The following ZNF83 variants were observed in gnomAD, a reference collection of about 807,000 sequenced individuals.
ZNF83 encodes zinc finger protein 83.
For missense variants in ZNF83, 552 were observed against 629.9 expected, an observed-to-expected ratio of 0.88 and a Z score of 1.32; for synonymous variants, 209 against 213.0, an observed-to-expected ratio of 0.98 and a Z score of 0.17.
intron 1 of ZNF83, among the ~76,000 whole-genome samples, chr19:52,687,995 C>A (rs1288767738): frequency 3.3e-5 from 5 of 151,996 alleles, no homozygotes; most frequent in African/African-American, 1.2e-4. Context: ...AAGCTAACCT[C>A]TGATGCCAAG....
At chr19:52,678,127 T>C (rs112595845) in intron 1 of ZNF83, among the ~76,000 whole-genome samples, 147 of 151,836 alleles carry the variant, frequency 9.7e-4, no homozygotes, top group African/African-American at 3.4e-3. Flanking sequence ...AGAAAAACAA[T>C]AATGCGCTAA....
chr19:52,652,392 G>A lies in ZNF83; in HGVS notation c.-74+3169C>T, dbSNP rs190186538. The A allele has an allele frequency of 3.9e-5, 13 of 333,920 alleles. No individual in the cohort carries two copies. In the East Asian group the frequency reaches 6.0e-4, roughly 16 times the overall value. The allele number at this position is 333,920 out of a possible 1,614,324, so 20.7% of individuals were successfully genotyped here. On this transcript the variant is annotated intron_variant, in intron 3 of 5. Transcript: ENST00000594682. ...GGAGGTTGCCGTGAGCCGAGATCAC[G>A]CCACTGCACCCCAGCCTGGACAAAA...
At chr19:52,683,802 C>G (rs114673579) in intron 1 of ZNF83, among the ~76,000 whole-genome samples, 1 of 152,122 alleles carries the variant, frequency 6.6e-6, no homozygotes. Context: ...ACATTTGCCC[C>G]AGCCCCTCAG....
Position 52,680,555 on chromosome 19 carries a change from T to G in ZNF83, c.-283+9888A>C, listed in dbSNP as rs190839868. 3.0e-3 allele frequency among the ~76,000 whole-genome samples: 459 copies of G among 152,160 alleles called. 3 individuals are homozygous for G. Among genetic ancestry groups the G allele is most frequent in the African/African-American group, 0.011 (436 of 41,508 alleles). ...TCTGACAAACCCACGTTAAGGTATT[T>G]TGGCACATTTTTTCTCCACAGTTGT... is the stretch of plus-strand genomic sequence containing the variant. On this transcript the variant is annotated intron_variant, in intron 1 of 5. Coordinates refer to the ZNF83 transcript ENST00000594682.
At chr19:52,645,367 T>C (rs1426171825) in intron 3 of ZNF83, among the ~76,000 whole-genome samples, 1 of 152,088 alleles carries the variant, frequency 6.6e-6, no homozygotes, top group African/African-American at 2.4e-5. Context: ...TGAAATTGTT[T>C]TAAAAAATAT....
intron 3 of ZNF83, among the ~76,000 whole-genome samples, chr19:52,649,964 A>C (rs752453563): frequency 7.2e-5 from 11 of 152,158 alleles, no homozygotes; most frequent in Non-Finnish European, 1.6e-4. Flanking sequence ...GCCTCACAAA[A>C]GATATGAGAC....
intron 2 of ZNF83, among the ~76,000 whole-genome samples, chr19:52,633,589 CTTTGCT>C (rs2147179781): frequency 1.3e-5 from 2 of 152,304 alleles, no homozygotes; most frequent in South Asian, 4.1e-4. Context: ...TAAGATGCAG[CTTTGCT>C]TAGAGTTTTA....
At chr19:52,613,257 CT>C (rs750310351) in exon 3 of ZNF83, 110 of 1,613,710 alleles carry the variant, frequency 6.8e-5, no homozygotes, top group Non-Finnish European at 6.7e-5. Flanking sequence ...GACCGAAGAC[CT>C]TCCCACATTC....
intron 1 of ZNF83, among the ~76,000 whole-genome samples, chr19:52,689,932 GGA>G (rs1370786035): frequency 6.6e-6 from 1 of 152,218 alleles, no homozygotes; most frequent in Non-Finnish European, 1.5e-5. Flanking sequence ...TGACTGCGGA[GGA>G]GAGACCTGGG....
chr19:52,665,835 C>T (rs1013610949), intron 1 of ZNF83, among the ~76,000 whole-genome samples: 4 of 152,084 alleles, frequency 2.6e-5, no homozygotes, highest in African/African-American at 7.2e-5. Flanking sequence ...CTCACCATTG[C>T]TCCATCTATG....
chr19:52,635,092 T>C (rs756969712), exon 2 of ZNF83: 5 of 714,474 alleles, frequency 7.0e-6, no homozygotes, highest in Non-Finnish European at 1.3e-5. Flanking sequence ...CCTGACGCCT[T>C]TGCTTTCCTC....
chr19:52,629,506 AC>A (rs1475263278), intron 2 of ZNF83, among the ~76,000 whole-genome samples: 1 of 151,648 alleles, frequency 6.6e-6, no homozygotes, highest in East Asian at 1.9e-4. Context: ...CCGCTCCTCC[AC>A]CCTGTAATCT....
intron 3 of ZNF83, among the ~76,000 whole-genome samples, chr19:52,648,451 GAA>G (rs201038009): frequency 6.1e-5 from 9 of 148,530 alleles, no homozygotes; most frequent in South Asian, 4.3e-4. Context: ...CAAAGTGAAG[GAA>G]AAAAAAAAGA....
In ZNF83 at chr19:52,654,645, A is replaced by G. The variant is rs528207076; in HGVS notation, c.-74+916T>C. 2.0e-5 allele frequency among the ~76,000 whole-genome samples: 3 copies of G among 152,260 alleles called. No homozygotes were observed. The South Asian group carries it at 6.2e-4, about 32-fold the overall frequency. On this transcript the variant is annotated intron_variant, in intron 3 of 5. Coordinates refer to the ZNF83 transcript ENST00000594682. Reference sequence around the variant, plus strand: ...GGCAGGAGAATTTCTTGAACCTAGGAGGCAGAGATTGCAGTGAACAGAGAT... The same window carrying G: ...GGCAGGAGAATTTCTTGAACCTAGGGGGCAGAGATTGCAGTGAACAGAGAT...
At chr19:52,618,217 T>C (rs1194681174) in intron 2 of ZNF83, among the ~76,000 whole-genome samples, 1 of 151,946 alleles carries the variant, frequency 6.6e-6, no homozygotes, top group African/African-American at 2.4e-5. Context: ...TTAGCCTTTC[T>C]AGTACCTGGG....
chr19:52,644,111 C>T (rs1600221217), intron 3 of ZNF83, among the ~76,000 whole-genome samples: 1 of 151,896 alleles, frequency 6.6e-6, no homozygotes, highest in South Asian at 2.1e-4. Context: ...CTGTGATGTC[C>T]TCACACAGAG....
In ZNF83 at chr19:52,635,462, G is replaced by C. The variant is rs542509393; in HGVS notation, c.-321-309C>G. ...AAACTGGGTGCAGTGGCTCATGCCTGTCATCCCAGCACTCTGGGAGGCTGA... is the reference window on the plus strand; with the variant it reads ...AAACTGGGTGCAGTGGCTCATGCCTCTCATCCCAGCACTCTGGGAGGCTGA... On this transcript the variant is annotated intron_variant, in intron 1 of 2. Coordinates refer to ENST00000301096, the Ensembl canonical transcript of ZNF83. 98 of 177,612 alleles carry C rather than the reference G, an allele frequency of 5.5e-4. 1 individual carries two copies. Among genetic ancestry groups the C allele is most frequent in the African/African-American group, 2.3e-3 (96 of 42,612 alleles). The allele number at this position is 177,612 out of a possible 1,614,324, so 11.0% of individuals were successfully genotyped here. A position where few individuals can be genotyped will look rare whatever the true frequency, so the allele number is the denominator to read the frequency against.
chr19:52,639,442 A>G (rs1209884406), upstream of ZNF83, among the ~76,000 whole-genome samples: 4 of 29,838 alleles, frequency 1.3e-4, no homozygotes, highest in Non-Finnish European at 1.9e-4. Flanking sequence ...TTTTTGAGGC[A>G]GAGTTTTCTT....
At chr19:52,661,739 A>G (rs527522295) in intron 1 of ZNF83, among the ~76,000 whole-genome samples, 1 of 152,290 alleles carries the variant, frequency 6.6e-6, no homozygotes, top group African/African-American at 2.4e-5. Context: ...TGAACAGCGA[A>G]GGAGCTAAAA....
Sources: allele counts gnomAD v4.1 joint callset (sites outside exome capture counted in the v4.1 genomes callset), GRCh38; gene constraint gnomAD v4.1.1; transcripts MANE v1.5; gene names NCBI Gene and HGNC (gene_info 2026-07-23, HGNC 2026-07-21).